Variants in CDON observed in about 807,000 individuals in gnomAD.
CDON encodes cell adhesion associated, oncogene regulated.
In CDON, 73 loss-of-function variants were observed where a neutral mutation model predicts 120.9. The ratio of observed to expected loss-of-function variants is 0.60; its 90% confidence interval spans 0.50 to 0.73. CDON has a LOEUF of 0.73. CDON is among the 30% of genes least tolerant of loss of function. The probability of loss-of-function intolerance (pLI) is 0.00; values close to 1 mark genes in which losing one functional copy is unlikely to be tolerated. For missense variants in CDON, 1,470 were observed against 1,587.3 expected (o/e 0.93, Z 1.26); for synonymous variants, 566 against 573.5 (o/e 0.99, Z 0.19).
At chr11:126,052,723 T>C (rs1235292722) in intron 1 of CDON, among the ~76,000 whole-genome samples, 2 of 151,142 alleles carry the variant, frequency 1.3e-5, no homozygotes, top group African/African-American at 4.9e-5. Flanking sequence ...CTTGGGAGGC[T>C]GAGGCAGGAG....
intron 7 of CDON, among the ~76,000 whole-genome samples, chr11:126,011,128 C>T (rs1004898446): frequency 1.9e-4 from 29 of 152,034 alleles, no homozygotes; most frequent in African/African-American, 6.8e-4. Flanking sequence ...AGGCAGGAAT[C>T]TGATTATAAA....
At chr11:125,969,641 T>C (rs147516107) in intron 18 of CDON, among the ~76,000 whole-genome samples, 17 of 152,314 alleles carry the variant, frequency 1.1e-4, no homozygotes, top group Middle Eastern at 3.4e-3. Flanking sequence ...TTTAAAAACA[T>C]TGAGTAAATG....
intron 3 of CDON, 67 bp downstream of exon 3, chr11:126,021,181 C>G (rs1947623509): frequency 3.2e-6 from 5 of 1,539,898 alleles, no homozygotes; most frequent in Non-Finnish European, 4.5e-6. Context: ...TTCCCCTCTT[C>G]AGAAATATAA....
rs143616207 is a variant in CDON at position 126,018,845 on chromosome 11, T to C, written c.497-372A>G. ...TCAACTTCCCAAAGTGCTGGGATTA[T>C]AGGCGTGAGCCACCGGCCAGCCTGC... On this transcript the variant is annotated intron_variant, in intron 4 of 19. Transcript: ENST00000531738. Among the ~76,000 whole-genome samples the C allele has an allele frequency of 5.5e-3, 835 of 152,318 alleles. 26 individuals carry two copies. The highest frequency in any genetic ancestry group is 0.051 in the Admixed American group (776 of 15,298).
chr11:126,042,588 T>A (rs1948291430), intron 1 of CDON, among the ~76,000 whole-genome samples: 1 of 152,182 alleles, frequency 6.6e-6, no homozygotes, highest in Non-Finnish European at 1.5e-5. Context: ...AACTACTAAT[T>A]ATTAAGTTTA....
intron 10 of CDON, among the ~76,000 whole-genome samples, chr11:126,002,695 T>C (rs763289050): frequency 9.2e-5 from 14 of 152,212 alleles, no homozygotes; most frequent in Non-Finnish European, 1.5e-4. Context: ...TCTGGTCTCT[T>C]TGCCTACAAT....
At chr11:126,057,784 T>A (rs1312316310) in intron 1 of CDON, among the ~76,000 whole-genome samples, 2 of 152,228 alleles carry the variant, frequency 1.3e-5, no homozygotes, top group Non-Finnish European at 2.9e-5. Flanking sequence ...AGCTGTATTG[T>A]TTCACGTGCC....
chr11:126,060,531 C>T (rs1948771949), intron 1 of CDON, among the ~76,000 whole-genome samples: 1 of 150,972 alleles, frequency 6.6e-6, no homozygotes, highest in Non-Finnish European at 1.5e-5. Flanking sequence ...GAAACAATCA[C>T]CAATTTTTAG....
At position 126,005,923 on chromosome 11, in the gene CDON, C is replaced by A. The variant is rs758716448; in HGVS notation, c.1687G>T (p.Val563Leu). 456 of 1,614,036 alleles carry A rather than the reference C, an allele frequency of 2.8e-4. No individual in the cohort carries two copies. The highest frequency in any genetic ancestry group is 3.6e-4 in the Non-Finnish European group (430 of 1,180,032). ...GCGTTTTTCTCTGGTGCTGATTCCA[C>A]TGCACTGGGATGGACCTTCACCGGA... is the stretch of plus-strand genomic sequence containing the variant. ...SFPVKVHPSA[V>L]ESAPEKNASG... The change falls in exon 9 of 20, where the codon GTG becomes TTG. Residue 563 changes from valine to leucine, a missense_variant. Transcript: ENST00000531738.
chr11:126,054,235 T>TGG (rs1948633868), intron 1 of CDON, among the ~76,000 whole-genome samples: 1 of 152,224 alleles, frequency 6.6e-6, no homozygotes. Context: ...GACACAATCC[T>TGG]GAATATGTTT....
At position 126,023,153 on chromosome 11, in the gene CDON, T is replaced by TCCAA. The variant is rs1450751270; in HGVS notation, c.76+247_76+248insTTGG. On this transcript the variant is annotated intron_variant, in intron 2 of 19. Coordinates refer to ENST00000531738, the MANE Select transcript of CDON (RefSeq NM_001378964.1). ...AAGCATGATTGGAAAATATGTATTT[T>TCCAA]TTTTTAAAAAATGAAAGGGATAAAT... Among the ~76,000 whole-genome samples the TCCAA allele has an allele frequency of 6.0e-4, 91 of 152,334 alleles. 1 individual carries two copies. Among genetic ancestry groups the TCCAA allele is most frequent in the Admixed American group, 4.3e-3 (66 of 15,306 alleles).
chr11:125,993,012 G>A (rs957175574), intron 14 of CDON, among the ~76,000 whole-genome samples: 2 of 152,166 alleles, frequency 1.3e-5, no homozygotes, highest in Non-Finnish European at 2.9e-5. Flanking sequence ...GGGAGTTTAC[G>A]ACTTTGTGGG....
intron 18 of CDON, among the ~76,000 whole-genome samples, chr11:125,971,403 T>TAAAG (rs1205847804): frequency 7.0e-6 from 1 of 142,614 alleles, no homozygotes; most frequent in Non-Finnish European, 1.5e-5. Context: ...AATAAATAAA[T>TAAAG]AAATAAATAA....
At position 125,960,500 on chromosome 11, in the gene CDON, C is replaced by CA. The variant is rs201774829; in HGVS notation, c.*441dup. ...GCAAGACTCCATCTCAAAAAACAAA[C>CA]AAAAAAAAGTCTGAGAATACACTAT... On this transcript the variant is annotated 3_prime_UTR_variant, in exon 20 of 20. Transcript: ENST00000531738. 906 of 176,932 alleles carry CA rather than the reference C, an allele frequency of 5.1e-3. 10 individuals are homozygous for CA. Among genetic ancestry groups the CA allele is most frequent in the African/African-American group, 0.021 (861 of 41,610 alleles). The allele number at this position is 176,932 out of a possible 1,614,324, so 11.0% of individuals were successfully genotyped here.
chr11:126,002,652 G>A (rs1041635769), intron 10 of CDON, among the ~76,000 whole-genome samples: 10 of 152,116 alleles, frequency 6.6e-5, no homozygotes, highest in Admixed American at 5.9e-4. Flanking sequence ...CCCCAGCACT[G>A]TCCTTGGAAA....
intron 10 of CDON, among the ~76,000 whole-genome samples, chr11:126,002,655 C>T (rs776401598): frequency 7.9e-5 from 12 of 152,194 alleles, no homozygotes; most frequent in Non-Finnish European, 1.8e-4. Context: ...CAGCACTGTC[C>T]TTGGAAATCT....
intron 9 of CDON, 56 bp from the exon 10 acceptor site, chr11:126,004,132 C>T: frequency 6.4e-7 from 1 of 1,550,416 alleles, no homozygotes; most frequent in Non-Finnish European, 8.8e-7. Context: ...GATAGGAAAT[C>T]TTTCGGTCAC....
At chr11:125,969,225 C>T (rs917030877) in intron 18 of CDON, among the ~76,000 whole-genome samples, 2 of 152,108 alleles carry the variant, frequency 1.3e-5, no homozygotes, top group Non-Finnish European at 2.9e-5. Flanking sequence ...CTTGAACTCC[C>T]GACCTCAGGT....
intron 12 of CDON, among the ~76,000 whole-genome samples, chr11:125,996,382 T>TG (rs1371645413): frequency 6.6e-6 from 1 of 152,024 alleles, no homozygotes; most frequent in East Asian, 1.9e-4. Flanking sequence ...CGATAAAATA[T>TG]GGGGAATATT....
Sources: allele counts gnomAD v4.1 joint callset (sites outside exome capture counted in the v4.1 genomes callset), GRCh38; gene constraint gnomAD v4.1.1; transcripts MANE v1.5; gene names NCBI Gene and HGNC (gene_info 2026-07-23, HGNC 2026-07-21).